Variants in FOXM1 observed in about 807,000 individuals in gnomAD.
FOXM1 encodes the protein forkhead box protein M1.
A neutral mutation model predicts 63.6 loss-of-function variants in FOXM1; 25 were observed. The observed-to-expected ratio is 0.39, with a 90% CI of 0.29 to 0.55. The LOEUF (loss-of-function observed/expected upper bound fraction) is 0.55. Ranked by LOEUF, FOXM1 falls within the 20% of genes least tolerant of loss-of-function variation. The pLI, the probability that FOXM1 is intolerant of heterozygous loss-of-function variation, is 0.60. For synonymous variants in FOXM1, 387 were observed against 376.9 expected (o/e 1.03, Z -0.31); for missense variants, 879 against 958.7 (o/e 0.92, Z 1.10).
intron 8 of FOXM1, chr12:2,861,463 T>A: frequency 1.8e-6 from 1 of 556,920 alleles, no homozygotes; most frequent in Non-Finnish European, 3.1e-6. Flanking sequence ...TTTAAAAAAT[T>A]AAGAAGATAT....
At chr12:2,860,796 C>T (rs540177972) in intron 8 of FOXM1, among the ~76,000 whole-genome samples, 9 of 150,306 alleles carry the variant, frequency 6.0e-5, no homozygotes, top group South Asian at 4.2e-4. Flanking sequence ...TGCTTGAACC[C>T]GGGAGGCAGA....
intron 1 of FOXM1, among the ~76,000 whole-genome samples, chr12:2,875,997 G>A (rs890753825): frequency 3.3e-5 from 5 of 151,372 alleles, no homozygotes; most frequent in African/African-American, 1.2e-4. Flanking sequence ...AACTCCTCAG[G>A]TGATCCACCC....
chr12:2,858,671 G>A lies in FOXM1; in HGVS notation c.2259C>T (p.Ile753=), dbSNP rs1318311103. The change falls in exon 9 of 9, where the codon ATC becomes ATT. Residue 753 remains isoleucine (I), a synonymous_variant. Transcript: ENST00000359843. ...GCTCAGGAATAAACTGGGACCAGTTGATGTTGTCAGGGCCCAGTGGGTCCT... is the reference window on the plus strand; with the variant it reads ...GCTCAGGAATAAACTGGGACCAGTTAATGTTGTCAGGGCCCAGTGGGTCCT... ...LDEDPLGPDN[I]NWSQFIPELQ 1 of 1,614,174 alleles carries A rather than the reference G, an allele frequency of 6.2e-7. No individual in the cohort carries two copies.
intron 3 of FOXM1, among the ~76,000 whole-genome samples, chr12:2,870,393 G>A (rs1172589635): frequency 2.6e-5 from 4 of 152,168 alleles, no homozygotes; most frequent in Admixed American, 6.5e-5. Flanking sequence ...GGCTGGGTAC[G>A]GTGGCTCACG....
chr12:2,868,768 C>T lies in FOXM1; in HGVS notation c.655-14G>A, dbSNP rs2153937622. 3 of 1,601,950 alleles carry T rather than the reference C, an allele frequency of 1.9e-6. No individual in the cohort carries two copies. Among genetic ancestry groups the T allele is most frequent in the Non-Finnish European group, 2.6e-6 (3 of 1,174,300 alleles). On this transcript the variant is annotated splice_polypyrimidine_tract_variant and intron_variant, in intron 3 of 8. Coordinates refer to ENST00000359843, the MANE Select transcript of FOXM1 (RefSeq NM_021953.4). ...AGGCTCCTCAACCTGAGGGTTATGA[C>T]ACAGGGAATGACATGAAAGAGTTCA... is the stretch of plus-strand genomic sequence containing the variant.
rs759317474 is a variant in FOXM1, at chr12:2,864,492, C to T, written c.1094G>A (p.Arg365Gln). 2.8e-5 allele frequency: 45 copies of T among 1,611,250 alleles called. No homozygotes were observed. Among genetic ancestry groups the T allele is most frequent in the Admixed American group, 2.3e-4 (14 of 59,852 alleles). ...IKTELPLGAR[R>Q]KMKPLLPRVS... ...CCGTGGTAGCAGTGGCTTCATCTTC[C>T]GCCCTAGGAGGAAACACGAGAGATC... Residue 365 changes from arginine (R) to glutamine (Q), a missense_variant, in exon 8 of 9, where the codon CGG becomes CAG. This residue lies in a region of FOXM1 where 76 missense variants were observed against 94.5 expected (regional missense o/e 0.80). Coordinates refer to ENST00000359843, the MANE Select transcript of FOXM1 (RefSeq NM_021953.4). The surrounding 1 kb of genome is among the most constrained non-coding windows in gnomAD (Gnocchi z 5.1).
chr12:2,861,167 C>CAA (rs1216502555), intron 8 of FOXM1: 6,477 of 387,562 alleles, frequency 0.017, 291 homozygotes, highest in African/African-American at 0.14. Flanking sequence ...GACTCCGTCT[C>CAA]AAAAAAAAAA....
intron 4 of FOXM1, among the ~76,000 whole-genome samples, chr12:2,867,817 A>T (rs2098126129): frequency 7.2e-6 from 1 of 139,404 alleles, no homozygotes; most frequent in South Asian, 2.3e-4. Flanking sequence ...CTCTACTAAA[A>T]ATACAAAAAA....
chr12:2,873,316 T>C (rs926149956), intron 2 of FOXM1, among the ~76,000 whole-genome samples: 1 of 149,770 alleles, frequency 6.7e-6, no homozygotes, highest in Non-Finnish European at 1.5e-5. Context: ...GGAGAATCAC[T>C]TGAACCCAGA....
At chr12:2,865,261 C>T in intron 6 of FOXM1, 94 bp downstream of exon 6, 1 of 1,175,376 alleles carries the variant, frequency 8.5e-7, no homozygotes, top group Non-Finnish European at 1.2e-6. Flanking sequence ...AGGGACCCTT[C>T]CCCACATCAC....
rs1421149997 is a variant in FOXM1 at position 2,859,235 on chromosome 12, C to A, written c.1695G>T (p.Gly565=). ...CTGCGGCCCAGCGGGAAGTACTGGG[C>A]CCCTCTGAGAAGAGCAGCTCCGGCT... The part of the protein sequence containing the change: ...VDEPELLFSE[G]PSTSRWAAEL... The change falls in exon 9 of 9, where the codon GGG becomes GGT. Residue 565 remains glycine (G), a synonymous_variant. Transcript: ENST00000359843. 2 of 1,613,440 alleles carry A rather than the reference C, an allele frequency of 1.2e-6. No individual in the cohort carries two copies. The highest frequency in any genetic ancestry group is 1.7e-6 in the Non-Finnish European group (2 of 1,179,994).
intron 5 of FOXM1, 145 bp downstream of exon 5, chr12:2,866,248 G>T: frequency 1.4e-6 from 1 of 734,214 alleles, no homozygotes; most frequent in Non-Finnish European, 2.0e-6. Context: ...AATTCACTGG[G>T]TTTTGTGCAA....
At chr12:2,868,033 C>T (rs1052839172) in intron 4 of FOXM1, among the ~76,000 whole-genome samples, 4 of 150,854 alleles carry the variant, frequency 2.7e-5, no homozygotes, top group Admixed American at 1.3e-4. Flanking sequence ...ACAAAGCACA[C>T]TTGACTTGGA....
In FOXM1 at chr12:2,864,302, G is replaced by A; in HGVS notation, c.1266+18C>T. ...TAATTGGCCAGAATCTCTCTTCAGA[G>A]GAAAATAGGACACCCACCTTGGGGG... On this transcript the variant is annotated intron_variant, in intron 8 of 8. Coordinates refer to ENST00000359843, the MANE Select transcript of FOXM1 (RefSeq NM_021953.4). This position sits in a 1 kb window ranked among gnomAD's most constrained non-coding sequence, Gnocchi z 5.1. 1 of 1,598,386 alleles carries A rather than the reference G, an allele frequency of 6.3e-7. No homozygotes were observed. Among genetic ancestry groups the A allele is most frequent in the Non-Finnish European group, 8.5e-7 (1 of 1,169,992 alleles).
At chr12:2,871,950 C>T (rs1474031082) in intron 3 of FOXM1, 146 bp downstream of exon 3, 2 of 893,424 alleles carry the variant, frequency 2.2e-6, no homozygotes, top group African/African-American at 1.7e-5. Context: ...AGAAAAATAG[C>T]TCAAAAGTTA....
intron 5 of FOXM1, 37 bp from the exon 6 acceptor site, chr12:2,865,436 T>A: frequency 1.9e-6 from 3 of 1,569,912 alleles, no homozygotes; most frequent in Non-Finnish European, 2.6e-6. Context: ...AGAAATGAGA[T>A]GAAGTTACCA....
chr12:2,873,398 C>CA (rs1189846694), intron 2 of FOXM1, among the ~76,000 whole-genome samples: 2,870 of 57,558 alleles, frequency 0.05, 77 homozygotes, highest in African/African-American at 0.067. Context: ...GACTCCATCT[C>CA]AAAAAAAAAA....
chr12:2,858,372 G>T lies in FOXM1; in HGVS notation c.*266C>A, dbSNP rs28919871. ...GCAGAGAATGGAAACAGGCTGGGGG[G>T]TTCCTAATCTCTTTTCACCATTGCC... On this transcript the variant is annotated 3_prime_UTR_variant, in exon 9 of 9. Transcript: ENST00000359843. 8 of 445,902 alleles carry T rather than the reference G, an allele frequency of 1.8e-5. No individual in the cohort carries two copies. Among genetic ancestry groups the T allele is most frequent in the Middle Eastern group, 6.0e-4 (1 of 1,674 alleles). The allele number at this position is 445,902 out of a possible 1,614,324, so 27.6% of individuals were successfully genotyped here. A position where few individuals can be genotyped will look rare whatever the true frequency, so the allele number is the denominator to read the frequency against.
Position 2,874,586 on chromosome 12 carries a change from T to C in FOXM1, c.-47-61A>G, listed in dbSNP as rs1188265347. ...TGTTTAGGCTGAGAAGAGGTCCTTTTAGAGAAAGGTGCTCCTCTTTATATG... is the reference window on the plus strand; with the variant it reads ...TGTTTAGGCTGAGAAGAGGTCCTTTCAGAGAAAGGTGCTCCTCTTTATATG... On this transcript the variant is annotated intron_variant, in intron 1 of 8. Transcript: ENST00000359843. The surrounding 1 kb of genome is among the most constrained non-coding windows in gnomAD (Gnocchi z 4.3). The C allele has an allele frequency of 8.7e-7, 1 of 1,149,828 alleles. No individual in the cohort carries two copies. The highest frequency in any genetic ancestry group is 1.2e-6 in the Non-Finnish European group (1 of 813,912). The allele number at this position is 1,149,828 out of a possible 1,614,324, so 71.2% of individuals were successfully genotyped here. A position where few individuals can be genotyped will look rare whatever the true frequency, so the allele number is the denominator to read the frequency against.
Sources: allele counts gnomAD v4.1 joint callset (sites outside exome capture counted in the v4.1 genomes callset), GRCh38; gene constraint gnomAD v4.1.1; regional missense constraint gnomAD v4.1.1; non-coding constraint Gnocchi (gnomAD v3.1); transcripts MANE v1.5; gene names NCBI Gene and HGNC (gene_info 2026-07-23, HGNC 2026-07-21).